The following SMC1B variants were observed in gnomAD, a reference collection of about 807,000 sequenced individuals.
SMC1B encodes the protein structural maintenance of chromosomes protein 1B.
A neutral mutation model predicts 157.9 loss-of-function variants in SMC1B; 60 were observed. The observed-to-expected ratio is 0.38, with a 90% CI of 0.31 to 0.47. SMC1B has a LOEUF of 0.47. Ranked by LOEUF, SMC1B falls within the 20% of genes least tolerant of loss-of-function variation. SMC1B has a pLI of 0.99. For missense variants in SMC1B, 1,165 were observed against 1,426.2 expected (o/e 0.82, Z 2.95); for synonymous variants, 445 against 483.0 (o/e 0.92, Z 1.03).
chr22:45,383,491 T>A lies in SMC1B; in HGVS notation c.2034A>T (p.Arg678=). 1 of 1,600,832 alleles carries A rather than the reference T, an allele frequency of 6.2e-7. No individual in the cohort carries two copies. Among genetic ancestry groups the A allele is most frequent in the Non-Finnish European group, 8.5e-7 (1 of 1,176,350 alleles). ...EKELKNLRDR[R]SQKIQELKGL... Reference sequence around the variant, plus strand: ...CCTTTAGCTCTTGGATTTTCTGGCTTCGTCTGTCTCTTAGATTCTTTAACT... The same window carrying A: ...CCTTTAGCTCTTGGATTTTCTGGCTACGTCTGTCTCTTAGATTCTTTAACT... The change falls in exon 12 of 25, where the codon CGA becomes CGT. Residue 678 remains arginine, a synonymous_variant. Transcript: ENST00000357450.
At chr22:45,403,980 C>T (rs887842067) in intron 4 of SMC1B, among the ~76,000 whole-genome samples, 1 of 152,050 alleles carries the variant, frequency 6.6e-6, no homozygotes, top group Admixed American at 6.6e-5. Flanking sequence ...CTCACTCTGT[C>T]GCCCAGGCTA....
chr22:45,389,452 C>T (rs927254010), intron 10 of SMC1B, among the ~76,000 whole-genome samples: 1 of 152,142 alleles, frequency 6.6e-6, no homozygotes, highest in East Asian at 1.9e-4. Context: ...GAGTGGTGCA[C>T]TGCTAGTGCA....
intron 16 of SMC1B, among the ~76,000 whole-genome samples, chr22:45,362,215 G>T (rs943032848): frequency 2.0e-5 from 3 of 151,922 alleles, no homozygotes; most frequent in African/African-American, 7.3e-5. Context: ...CCTTATTTTG[G>T]ATTCATTCCT....
intron 24 of SMC1B, among the ~76,000 whole-genome samples, chr22:45,344,953 T>C (rs1454974352): frequency 6.6e-6 from 1 of 152,238 alleles, no homozygotes; most frequent in Non-Finnish European, 1.5e-5. Context: ...CAAAACCAAA[T>C]GACCTGAACT....
rs1269850564 is a variant in SMC1B, at chr22:45,359,892, C to A, written c.2775G>T (p.Glu925Asp). Residue 925 changes from glutamate to aspartate, a missense_variant, in exon 18 of 25, where the codon GAG (glutamate) becomes GAT (aspartate). Glu to Asp is a conservative substitution (Grantham distance 45). Coordinates refer to ENST00000357450, the MANE Select transcript of SMC1B (RefSeq NM_148674.5). Reference sequence around the variant, plus strand: ...TGCAATCAAGCAGCAAGTTATGCTTCTCTAATCGTTTCTGTTCCAGAGAAG... The same window carrying A: ...TGCAATCAAGCAGCAAGTTATGCTTATCTAATCGTTTCTGTTCCAGAGAAG... ...IQTSLEQKRL[E>D]KHNLLLDCKV... 6.2e-7 allele frequency: 1 copy of A among 1,614,092 alleles called. No homozygotes were observed. The highest frequency in any genetic ancestry group is 8.5e-7 in the Non-Finnish European group (1 of 1,179,936).
intron 19 of SMC1B, among the ~76,000 whole-genome samples, chr22:45,358,104 CAA>C (rs1378614752): frequency 6.6e-6 from 1 of 152,190 alleles, no homozygotes. Flanking sequence ...GGTGACCACA[CAA>C]GAGATGCTGG....
At chr22:45,408,283 G>T in intron 2 of SMC1B, among the ~76,000 whole-genome samples, 1 of 151,988 alleles carries the variant, frequency 6.6e-6, no homozygotes, top group East Asian at 1.9e-4. Context: ...CTGCCACCTC[G>T]CCCAGCTAAT....
At position 45,354,114 on chromosome 22, in the gene SMC1B, T is replaced by C; in HGVS notation, c.3137A>G (p.Lys1046Arg). 2 of 1,572,128 alleles carry C rather than the reference T, an allele frequency of 1.3e-6. No individual in the cohort carries two copies. The highest frequency in any genetic ancestry group is 1.7e-6 in the Non-Finnish European group (2 of 1,165,388). Reference protein sequence around the residue: ...ESTDAFEASRKEARLCRQEFE... With the variant: ...ESTDAFEASRREARLCRQEFE... Reference sequence around the variant, plus strand: ...CTCTTGCCTACACAGTCTGGCTTCCTTTCTGCTGGCCTCAAAAGCTAAGAG... The same window carrying C: ...CTCTTGCCTACACAGTCTGGCTTCCCTTCTGCTGGCCTCAAAAGCTAAGAG... Residue 1046 changes from lysine (K) to arginine (R), a missense_variant, in exon 21 of 25, where the codon AAG (lysine) becomes AGG (arginine). Coordinates refer to ENST00000357450, the MANE Select transcript of SMC1B (RefSeq NM_148674.5).
chr22:45,411,735 C>T (rs536169057), intron 1 of SMC1B, among the ~76,000 whole-genome samples: 10 of 150,188 alleles, frequency 6.7e-5, no homozygotes, highest in Admixed American at 3.3e-4. Flanking sequence ...TACAGGCGTG[C>T]GCCACCACGC....
chr22:45,374,822 CT>C (rs1339201366), intron 12 of SMC1B, among the ~76,000 whole-genome samples: 1 of 152,026 alleles, frequency 6.6e-6, no homozygotes, highest in Non-Finnish European at 1.5e-5. Context: ...GATTGTTCTT[CT>C]TTTTTTGTTG....
intron 23 of SMC1B, among the ~76,000 whole-genome samples, chr22:45,346,489 A>G (rs1285298181): frequency 6.6e-6 from 1 of 152,036 alleles, no homozygotes; most frequent in Admixed American, 6.6e-5. Context: ...GGTAATACCA[A>G]CTCCTGGATT....
At chr22:45,403,830 T>C (rs761581956) in intron 4 of SMC1B, among the ~76,000 whole-genome samples, 2 of 152,216 alleles carry the variant, frequency 1.3e-5, no homozygotes, top group Non-Finnish European at 2.9e-5. Context: ...AGTCAGAGAA[T>C]AAACACAAGG....
intron 1 of SMC1B, among the ~76,000 whole-genome samples, chr22:45,412,087 C>A (rs1013164058): frequency 1.2e-3 from 176 of 152,252 alleles, no homozygotes; most frequent in African/African-American, 4.1e-3. Context: ...ACTATGTTGG[C>A]CAGGCTGGTT....
chr22:45,389,528 G>C (rs2087032378), intron 10 of SMC1B, among the ~76,000 whole-genome samples, 184 bp downstream of exon 10: 1 of 152,184 alleles, frequency 6.6e-6, no homozygotes, highest in Non-Finnish European at 1.5e-5. Context: ...TCAAGAAAGA[G>C]AGTAGCCACT....
intron 12 of SMC1B, among the ~76,000 whole-genome samples, chr22:45,374,096 T>G (rs1480725017): frequency 6.8e-6 from 1 of 147,052 alleles, no homozygotes; most frequent in Admixed American, 6.8e-5. Context: ...GACGGTTTTT[T>G]TTTTTTTTTT....
Position 45,344,324 on chromosome 22 carries a change from G to T in SMC1B, c.*232C>A. 1 of 315,118 alleles carries T rather than the reference G, an allele frequency of 3.2e-6. No individual in the cohort carries two copies. The highest frequency in any genetic ancestry group is 5.8e-6 in the Non-Finnish European group (1 of 173,454). The allele number at this position is 315,118 out of a possible 1,614,324, so 19.5% of individuals were successfully genotyped here. On this transcript the variant is annotated 3_prime_UTR_variant, in exon 25 of 25. Transcript: ENST00000357450. ...TAGTACAAAATTGTACCTTTTGTTT[G>T]TTTTTTAAAAACTCATTTGACACCA...
rs1489473728 is a variant in SMC1B at position 45,396,223 on chromosome 22, G to A, written c.1254+123C>T. On this transcript the variant is annotated intron_variant, in intron 7 of 24. Transcript: ENST00000357450. ...TTTGTATCTTCATCTGCCAAATCAT[G>A]AAATAAATGAAATGAGACAGTATAG... The A allele has an allele frequency of 3.8e-6, 3 of 781,066 alleles. No individual in the cohort carries two copies. The African/African-American group carries it at 5.3e-5, about 14-fold the overall frequency. The allele number at this position is 781,066 out of a possible 1,614,324, so 48.4% of individuals were successfully genotyped here.
chr22:45,405,315 C>T (rs1198411015), intron 4 of SMC1B, among the ~76,000 whole-genome samples: 1 of 152,068 alleles, frequency 6.6e-6, no homozygotes, highest in East Asian at 1.9e-4. Context: ...AATCCCAGCA[C>T]TTTGGGAGGC....
chr22:45,400,950 T>C (rs931329918), intron 5 of SMC1B, among the ~76,000 whole-genome samples: 4 of 152,172 alleles, frequency 2.6e-5, no homozygotes, highest in African/African-American at 9.7e-5. Context: ...ATAAAAAAAC[T>C]GACCAATATT....
Sources: allele counts gnomAD v4.1 joint callset (sites outside exome capture counted in the v4.1 genomes callset), GRCh38; gene constraint gnomAD v4.1.1; transcripts MANE v1.5; gene names NCBI Gene and HGNC (gene_info 2026-07-23, HGNC 2026-07-21).